SNX13: variants seen among roughly 807,000 people sequenced by gnomAD.
The protein encoded by SNX13 is sorting nexin 13.
A neutral mutation model predicts 133.6 loss-of-function variants in SNX13; 45 were observed. The observed-to-expected ratio is 0.34, with a 90% confidence interval of 0.27 to 0.43. The LOEUF is 0.43. SNX13 is among the 20% of genes least tolerant of loss of function. The pLI is 1.00. For missense variants in SNX13, 1,032 were observed against 1,145.1 expected (o/e 0.90, Z 1.43); for synonymous variants, 414 against 373.9 (o/e 1.11, Z -1.24).
rs557363499 is a variant in SNX13 at position 17,897,399 on chromosome 7, A to C, written c.60T>G (p.Phe20Leu). The change falls in exon 2 of 26, where the codon TTT (phenylalanine) becomes TTG (leucine). Residue 20 changes from phenylalanine to leucine, a missense_variant. Transcript: ENST00000428135. ...WGWGSLGIVL[F>L]LITFGPFVIF... ...TTACAAAGGGTCCAAAGGTTATCAG[A>C]AAAAGGACAATGCCAAGGCTTCCCC... The C allele has an allele frequency of 6.2e-7, 1 of 1,603,808 alleles. No homozygotes were observed. The highest frequency in any genetic ancestry group is 8.5e-7 in the Non-Finnish European group (1 of 1,174,410).
At chr7:17,808,257 TA>T (rs1785556660) in intron 20 of SNX13, among the ~76,000 whole-genome samples, 1 of 152,066 alleles carries the variant, frequency 6.6e-6, no homozygotes, top group South Asian at 2.1e-4. Context: ...GAGAAGATCA[TA>T]AATGACCTGA....
intron 1 of SNX13, among the ~76,000 whole-genome samples, chr7:17,926,088 A>C (rs1434065160): frequency 6.6e-6 from 1 of 152,030 alleles, no homozygotes; most frequent in East Asian, 1.9e-4. Flanking sequence ...GTTGAGCTAT[A>C]ATAACAACAA....
intron 1 of SNX13, among the ~76,000 whole-genome samples, chr7:17,937,581 T>C (rs1802260266): frequency 6.6e-6 from 1 of 151,856 alleles, no homozygotes; most frequent in South Asian, 2.1e-4. Context: ...ATATGAACAC[T>C]TATCATTACT....
intron 16 of SNX13, among the ~76,000 whole-genome samples, chr7:17,827,327 C>T (rs757809371): frequency 2.0e-5 from 3 of 151,930 alleles, no homozygotes; most frequent in Non-Finnish European, 4.4e-5. Context: ...ACACATTTCA[C>T]ATATTCATAT....
intron 9 of SNX13, among the ~76,000 whole-genome samples, chr7:17,860,391 C>T (rs368318627): frequency 1.7e-4 from 26 of 152,236 alleles, no homozygotes; most frequent in African/African-American, 5.5e-4. Context: ...AATTCCTAAT[C>T]GGATATATGG....
In SNX13 at chr7:17,917,410, T is replaced by G. The variant is rs191130769; in HGVS notation, c.13-19964A>C. ...CCATATGATTCTATACCTAGAAAACTCTAAAGATTCTGCCAAAAGACTCCT... is the reference window on the plus strand; with the variant it reads ...CCATATGATTCTATACCTAGAAAACGCTAAAGATTCTGCCAAAAGACTCCT... On this transcript the variant is annotated intron_variant, in intron 1 of 25. Coordinates refer to ENST00000428135, the MANE Select transcript of SNX13 (RefSeq NM_015132.5). Among the ~76,000 whole-genome samples, 27 of 152,272 alleles carry G rather than the reference T, an allele frequency of 1.8e-4. 1 individual carries two copies. In the East Asian group the frequency reaches 5.2e-3, roughly 29 times the overall value.
intron 5 of SNX13, among the ~76,000 whole-genome samples, chr7:17,885,483 G>A (rs1188608330): frequency 6.6e-6 from 1 of 152,166 alleles, no homozygotes; most frequent in Non-Finnish European, 1.5e-5. Context: ...TATAGTTTGT[G>A]AATTGTATCA....
At chr7:17,864,819 AG>A (rs1214049156) in intron 9 of SNX13, among the ~76,000 whole-genome samples, 1 of 120,300 alleles carries the variant, frequency 8.3e-6, no homozygotes, top group Non-Finnish European at 1.7e-5. Context: ...AAAGGGAAGG[AG>A]GAAGAGGAAG....
chr7:17,879,477 C>T (rs10235138), intron 5 of SNX13: 3 of 152,142 alleles, frequency 2.0e-5, no homozygotes, highest in Admixed American at 2.0e-4. Flanking sequence ...TTTTCAGGGT[C>T]GGAGCACTGT....
Position 17,799,163 on chromosome 7 carries a change from A to T in SNX13, c.2299-9T>A, listed in dbSNP as rs769141714. The T allele has an allele frequency of 1.0e-5, 16 of 1,587,078 alleles. No individual in the cohort carries two copies. Among genetic ancestry groups the T allele is most frequent in the Non-Finnish European group, 1.4e-5 (16 of 1,168,902 alleles). ...GGAATATTGTCATCCACCTGACAAA[A>T]TATAAGAAATAAGAATAAGTTTGAG... On this transcript the variant is annotated splice_polypyrimidine_tract_variant and intron_variant, in intron 22 of 25. Coordinates refer to ENST00000428135, the MANE Select transcript of SNX13 (RefSeq NM_015132.5).
intron 17 of SNX13, among the ~76,000 whole-genome samples, chr7:17,824,826 G>A (rs982085571): frequency 6.6e-5 from 10 of 151,462 alleles, no homozygotes; most frequent in African/African-American, 2.4e-4. Flanking sequence ...CTAAAGTGCA[G>A]TGGTGTGATC....
chr7:17,803,570 A>C lies in SNX13; in HGVS notation c.2075T>G (p.Phe692Cys). Residue 692 changes from phenylalanine (F) to cysteine (C), a missense_variant, in exon 21 of 26, where the codon TTT becomes TGT. By Grantham distance (205) the Phe-to-Cys change is radical. Transcript: ENST00000428135. The part of the protein sequence containing the change: ...KGDFARKMDT[F>C]VNPLRNSMRN... ...CATTGAATTGCGAAGTGGATTTACA[A>C]AAGTGTCCATCTAAAGGGAAAAAAG... The C allele has an allele frequency of 6.2e-7, 1 of 1,608,632 alleles. No individual in the cohort carries two copies. The highest frequency in any genetic ancestry group is 8.5e-7 in the Non-Finnish European group (1 of 1,177,522).
chr7:17,799,100 C>G lies in SNX13; in HGVS notation c.2353G>C (p.Asp785His). Residue 785 changes from aspartate to histidine, a missense_variant, in exon 23 of 26, where the codon GAC becomes CAC. Coordinates refer to ENST00000428135, the MANE Select transcript of SNX13 (RefSeq NM_015132.5). ...AACCACTGATTTCTTTCTTTTAAGT[C>G]GAATACTTCATCCATGAGAAGCAGC... is the stretch of plus-strand genomic sequence containing the variant. Reference protein sequence around the residue: ...VMLLLMDEVFDLKERNQWLRR... With the variant: ...VMLLLMDEVFHLKERNQWLRR... 13 of 1,610,116 alleles carry G rather than the reference C, an allele frequency of 8.1e-6. No individual in the cohort carries two copies. The highest frequency in any genetic ancestry group is 1.1e-5 in the Non-Finnish European group (13 of 1,177,660).
rs73081333 is a variant in SNX13 at position 17,829,761 on chromosome 7, G to A, written c.1635+249C>T. 7.3e-3 allele frequency among the ~76,000 whole-genome samples: 1,109 copies of A among 151,150 alleles called. 8 individuals carry two copies. The highest frequency in any genetic ancestry group is 0.013 in the Non-Finnish European group (843 of 67,336). On this transcript the variant is annotated intron_variant, in intron 16 of 25. Coordinates refer to ENST00000428135, the MANE Select transcript of SNX13 (RefSeq NM_015132.5). ...AATGAAATCAATTTATTTATAAAAT[G>A]CAGAAAAGCAATTATGCAGGTATAA...
At chr7:17,851,042 A>ATG in intron 9 of SNX13, 78 bp from the exon 10 acceptor site, 2 of 1,434,746 alleles carry the variant, frequency 1.4e-6, no homozygotes, top group Non-Finnish European at 1.9e-6. Context: ...AGTGCCTACT[A>ATG]TGTGCTAGGA....
At chr7:17,918,065 A>G (rs1243861114) in intron 1 of SNX13, among the ~76,000 whole-genome samples, 1 of 152,190 alleles carries the variant, frequency 6.6e-6, no homozygotes, top group African/African-American at 2.4e-5. Flanking sequence ...AGGACCTCCT[A>G]GTCAATAAAC....
chr7:17,914,265 T>C (rs755262074), intron 1 of SNX13, among the ~76,000 whole-genome samples: 5 of 151,624 alleles, frequency 3.3e-5, no homozygotes, highest in African/African-American at 4.8e-5. Context: ...CTATGCCTTA[T>C]TGGCATTCTT....
intron 20 of SNX13, among the ~76,000 whole-genome samples, chr7:17,809,282 C>CAAAAAAAAAAA (rs535077123): frequency 6.1e-5 from 3 of 49,274 alleles, no homozygotes; most frequent in Admixed American, 3.2e-4. Context: ...AGATGGAAAG[C>CAAAAAAAAAAA]AAAAAAAAAA....
At chr7:17,915,963 G>A (rs1249291441) in intron 1 of SNX13, among the ~76,000 whole-genome samples, 1 of 152,088 alleles carries the variant, frequency 6.6e-6, no homozygotes, top group Non-Finnish European at 1.5e-5. Context: ...TATCTTCTCA[G>A]ACTACAGTGG....
Sources: allele counts gnomAD v4.1 joint callset (sites outside exome capture counted in the v4.1 genomes callset), GRCh38; gene constraint gnomAD v4.1.1; transcripts MANE v1.5; gene names NCBI Gene and HGNC (gene_info 2026-07-23, HGNC 2026-07-21).